Variants in TASP1 observed in about 807,000 individuals in gnomAD.
The protein encoded by TASP1 is threonine aspartase 1.
In TASP1, 16 loss-of-function variants were observed where a neutral mutation model predicts 56.6. That is an observed-to-expected ratio of 0.28 (90% CI 0.19 to 0.43). TASP1 has a LOEUF of 0.43. Ranked by LOEUF, TASP1 falls within the 20% of genes least tolerant of loss-of-function variation. The pLI, the probability that TASP1 is intolerant of heterozygous loss-of-function variation, is 1.00. For synonymous variants in TASP1, 179 were observed against 184.2 expected, an observed-to-expected ratio of 0.97 and a Z score of 0.23; for missense variants, 393 against 511.6, an observed-to-expected ratio of 0.77 and a Z score of 2.24.
At chr20:13,268,347 CCT>C in the TASP1 span, among the ~76,000 whole-genome samples, 252 of 66,564 alleles carry the variant, frequency 3.8e-3, 7 homozygotes, top group South Asian at 7.2e-3. Context: ...CCTTCTTCTT[CCT>C]CTCTCTCTCT....
chr20:13,110,416 C>T, the TASP1 span, among the ~76,000 whole-genome samples: 2 of 152,204 alleles, frequency 1.3e-5, no homozygotes, highest in African/African-American at 2.4e-5. Flanking sequence ...TATGGCACAG[C>T]AGCTTGGAGG....
the TASP1 span, among the ~76,000 whole-genome samples, chr20:13,347,269 A>G: frequency 1.3e-5 from 2 of 152,200 alleles, no homozygotes; most frequent in Non-Finnish European, 1.5e-5. Context: ...TTCAAGTACT[A>G]AGGAGGAAGT....
At chr20:13,106,395 A>T in the TASP1 span, among the ~76,000 whole-genome samples, 1 of 152,176 alleles carries the variant, frequency 6.6e-6, no homozygotes, top group Non-Finnish European at 1.5e-5. Flanking sequence ...CTTAAAAAAT[A>T]ATAGACAAGT....
chr20:13,574,126 A>T (rs1229132097), intron 6 of TASP1, among the ~76,000 whole-genome samples: 1 of 152,168 alleles, frequency 6.6e-6, no homozygotes. Context: ...GTTTAAAAAA[A>T]AAAAAAGAAA....
intron 5 of TASP1, among the ~76,000 whole-genome samples, chr20:13,582,305 C>T (rs2047156150): frequency 6.6e-6 from 1 of 151,734 alleles, no homozygotes; most frequent in Non-Finnish European, 1.5e-5. Flanking sequence ...TACAAATTAA[C>T]AATTTATGTT....
the TASP1 span, among the ~76,000 whole-genome samples, chr20:13,152,877 T>C: frequency 2.6e-5 from 4 of 152,178 alleles, no homozygotes; most frequent in South Asian, 8.3e-4. Flanking sequence ...ATGATTGACA[T>C]GTTTACTGAA....
chr20:13,344,632 G>A, the TASP1 span, among the ~76,000 whole-genome samples: 2 of 152,104 alleles, frequency 1.3e-5, no homozygotes, highest in Non-Finnish European at 2.9e-5. Context: ...CTATCTCCTG[G>A]GAAGAAAATG....
the TASP1 span, among the ~76,000 whole-genome samples, chr20:13,193,560 G>C: frequency 1.4e-4 from 22 of 152,210 alleles, no homozygotes; most frequent in African/African-American, 5.3e-4. Context: ...ATACTAGTTA[G>C]AAATGCATTC....
intron 9 of TASP1, among the ~76,000 whole-genome samples, chr20:13,533,762 A>C (rs929183947): frequency 1.3e-5 from 2 of 152,186 alleles, no homozygotes; most frequent in African/African-American, 4.8e-5. Flanking sequence ...CTAAATACCC[A>C]GGCCAGTGCC....
chr20:13,372,067 A>G, the TASP1 span, among the ~76,000 whole-genome samples: 1 of 152,230 alleles, frequency 6.6e-6, no homozygotes, highest in African/African-American at 2.4e-5. Flanking sequence ...TAGAGAGCAT[A>G]TAATTGCATC....
the TASP1 span, among the ~76,000 whole-genome samples, chr20:13,314,445 AC>A: frequency 6.6e-6 from 1 of 152,198 alleles, no homozygotes; most frequent in South Asian, 2.1e-4. Flanking sequence ...CTCAGAAACC[AC>A]ATAAGCAATA....
chr20:13,581,013 G>T (rs778757131), intron 5 of TASP1, 32 bp from the exon 6 acceptor site: 7 of 1,555,248 alleles, frequency 4.5e-6, no homozygotes, highest in African/African-American at 2.8e-5. Flanking sequence ...TGGCAAAAAA[G>T]ATGTCAGAAA....
chr20:13,632,373 AAAAAAAG>A (rs1379019499), intron 1 of TASP1, among the ~76,000 whole-genome samples: 67 of 151,872 alleles, frequency 4.4e-4, no homozygotes, highest in African/African-American at 1.5e-3. Context: ...TCAAAAAAAA[AAAAAAAG>A]AAAAAAGAAA....
the TASP1 span, among the ~76,000 whole-genome samples, chr20:13,226,065 A>C: frequency 4.6e-5 from 7 of 152,248 alleles, 1 homozygote; most frequent in Non-Finnish European, 1.0e-4. Context: ...AGAACTCATT[A>C]AGGCAGTGAG....
At chr20:13,608,771 G>T (rs2048247730) in intron 4 of TASP1, among the ~76,000 whole-genome samples, 1 of 152,256 alleles carries the variant, frequency 6.6e-6, no homozygotes, top group Non-Finnish European at 1.5e-5. Context: ...GCCAATCCTT[G>T]ATCTAAACCA....
At chr20:13,458,974 G>C (rs886138729) in intron 11 of TASP1, among the ~76,000 whole-genome samples, 14 of 152,136 alleles carry the variant, frequency 9.2e-5, no homozygotes, top group Non-Finnish European at 5.9e-5. Context: ...CCTGAACAAG[G>C]ATAGTGTCTT....
the TASP1 span, among the ~76,000 whole-genome samples, chr20:13,162,794 C>T: frequency 6.6e-6 from 1 of 152,148 alleles, no homozygotes; most frequent in Non-Finnish European, 1.5e-5. Flanking sequence ...CAACCCAGAA[C>T]TGGTCCCTGC....
At chr20:13,478,401 T>A (rs1193385046) in intron 11 of TASP1, among the ~76,000 whole-genome samples, 1 of 150,634 alleles carries the variant, frequency 6.6e-6, no homozygotes, top group African/African-American at 2.4e-5. Context: ...CAAAAAAGAA[T>A]GAAATCATGT....
the TASP1 span, among the ~76,000 whole-genome samples, chr20:13,153,293 G>C: frequency 1.6e-4 from 24 of 152,226 alleles, no homozygotes; most frequent in East Asian, 2.3e-3. Context: ...ACACACTTAG[G>C]ACACAGGCTA....
Sources: allele counts gnomAD v4.1 joint callset (sites outside exome capture counted in the v4.1 genomes callset), GRCh38; gene constraint gnomAD v4.1.1; transcripts MANE v1.5; gene names NCBI Gene and HGNC (gene_info 2026-07-23, HGNC 2026-07-21).